Variants in EEFSEC observed in about 807,000 individuals in gnomAD.
EEFSEC encodes eukaryotic elongation factor, selenocysteine-tRNA specific.
Under a neutral mutation model 42.1 loss-of-function variants are expected in EEFSEC, and 43 were observed. That is an observed-to-expected ratio of 1.02 (90% confidence interval 0.80 to 1.32). EEFSEC has a LOEUF of 1.32. Ranked by LOEUF, EEFSEC falls within the 40% of genes most tolerant of loss-of-function variation. EEFSEC has a pLI of 0.00. For missense variants in EEFSEC, 745 were observed against 803.6 expected, an observed-to-expected ratio of 0.93 and a Z score of 0.88; for synonymous variants, 354 against 339.1, an observed-to-expected ratio of 1.04 and a Z score of -0.48.
At chr3:128,276,238 G>A (rs1045042159) in intron 4 of EEFSEC, among the ~76,000 whole-genome samples, 26 of 152,314 alleles carry the variant, frequency 1.7e-4, no homozygotes, top group African/African-American at 6.3e-4. Context: ...CACTCAGCTG[G>A]GGGTTAGGGC....
chr3:128,279,542 G>T (rs2066504158), intron 4 of EEFSEC, among the ~76,000 whole-genome samples: 1 of 152,222 alleles, frequency 6.6e-6, no homozygotes, highest in Non-Finnish European at 1.5e-5. Context: ...CCCTTCAGGG[G>T]CCCTGCCCCA....
At chr3:128,247,458 C>A (rs1251311619) in intron 2 of EEFSEC, among the ~76,000 whole-genome samples, 1 of 152,166 alleles carries the variant, frequency 6.6e-6, no homozygotes. Context: ...GGACTGTGTT[C>A]TCTTGCTATC....
chr3:128,355,609 T>TAAAA (rs5852542), intron 5 of EEFSEC, among the ~76,000 whole-genome samples: 8 of 122,720 alleles, frequency 6.5e-5, no homozygotes, highest in African/African-American at 2.1e-4. Flanking sequence ...AATGAAGCTG[T>TAAAA]AAAAAAAAAA....
intron 6 of EEFSEC, among the ~76,000 whole-genome samples, chr3:128,376,687 T>C (rs147449512): frequency 1.1e-4 from 17 of 152,284 alleles, no homozygotes; most frequent in African/African-American, 3.9e-4. Context: ...TCATTAGCCT[T>C]GGCACACTGA....
At chr3:128,372,929 T>G (rs965561129) in intron 6 of EEFSEC, among the ~76,000 whole-genome samples, 2 of 152,248 alleles carry the variant, frequency 1.3e-5, no homozygotes, top group Non-Finnish European at 2.9e-5. Context: ...CTGCTGTAGA[T>G]GTCACTTCCA....
intron 2 of EEFSEC, among the ~76,000 whole-genome samples, chr3:128,257,667 C>G (rs954175994): frequency 6.6e-6 from 1 of 152,180 alleles, no homozygotes; most frequent in East Asian, 1.9e-4. Flanking sequence ...ATAGAAACAG[C>G]TATTTTCACA....
At chr3:128,265,891 GT>G (rs1211170261) in intron 4 of EEFSEC, among the ~76,000 whole-genome samples, 8 of 152,192 alleles carry the variant, frequency 5.3e-5, no homozygotes, top group Non-Finnish European at 1.2e-4. Context: ...TATTAGTTTT[GT>G]TTTGCTGGAG....
At chr3:128,280,206 CTG>C (rs777262159) in intron 4 of EEFSEC, among the ~76,000 whole-genome samples, 4 of 152,192 alleles carry the variant, frequency 2.6e-5, no homozygotes, top group Non-Finnish European at 5.9e-5. Context: ...AGACAGCAAA[CTG>C]AGAACAGTGG....
intron 1 of EEFSEC, among the ~76,000 whole-genome samples, chr3:128,161,916 T>C (rs898147529): frequency 1.3e-5 from 2 of 152,202 alleles, no homozygotes; most frequent in African/African-American, 4.8e-5. Context: ...AATAACATAC[T>C]GGGGGCTTGA....
intron 1 of EEFSEC, among the ~76,000 whole-genome samples, chr3:128,216,816 G>A (rs2065815342): frequency 6.6e-6 from 1 of 152,224 alleles, no homozygotes; most frequent in South Asian, 2.1e-4. Context: ...ACTGATTGAA[G>A]GCAGTGGGCT....
chr3:128,256,679 A>T (rs1050231233), intron 2 of EEFSEC, among the ~76,000 whole-genome samples: 3 of 152,214 alleles, frequency 2.0e-5, no homozygotes, highest in Admixed American at 1.3e-4. Context: ...ATGCATGATC[A>T]CTTATAATCT....
chr3:128,169,872 G>A (rs950841937), intron 1 of EEFSEC, among the ~76,000 whole-genome samples: 2 of 152,188 alleles, frequency 1.3e-5, no homozygotes, highest in Admixed American at 1.3e-4. Flanking sequence ...TCCCTGCATA[G>A]CCTCACAGAG....
At chr3:128,199,157 G>A (rs2492285) in intron 1 of EEFSEC, among the ~76,000 whole-genome samples, 43,712 of 151,984 alleles carry the variant, frequency 0.29, 6,477 homozygotes, top group South Asian at 0.37. Context: ...TCAAGTGTGT[G>A]CATTTTTTGT....
rs146193336 is a variant in EEFSEC, at chr3:128,369,824, CTTTG to C, written c.1600+11457_1600+11460del. ...CAATTGCTCCGTGTTGTCTTGTCTGCTTTGTTTGTGCGCCGAGCCGACTGAGGGT... is the reference window on the plus strand; with the variant it reads ...CAATTGCTCCGTGTTGTCTTGTCTGCTTTGTGCGCCGAGCCGACTGAGGGT... On this transcript the variant is annotated intron_variant, in intron 6 of 6. Coordinates refer to ENST00000254730, the MANE Select transcript of EEFSEC (RefSeq NM_021937.5). 1.7e-3 allele frequency among the ~76,000 whole-genome samples: 264 copies of C among 152,320 alleles called. 4 individuals are homozygous for C. The East Asian group carries it at 0.045, about 26-fold the overall frequency.
intron 4 of EEFSEC, among the ~76,000 whole-genome samples, chr3:128,312,467 G>A (rs1318382646): frequency 1.3e-5 from 2 of 152,270 alleles, no homozygotes; most frequent in African/African-American, 4.8e-5. Context: ...ACCAGACTGC[G>A]CTGGAATAGG....
chr3:128,303,931 C>G (rs912066344), intron 4 of EEFSEC, among the ~76,000 whole-genome samples: 1 of 152,174 alleles, frequency 6.6e-6, no homozygotes, highest in African/African-American at 2.4e-5. Flanking sequence ...GGTAATCCTT[C>G]TTTTACTCCC....
chr3:128,372,299 A>G (rs990100608), intron 6 of EEFSEC, among the ~76,000 whole-genome samples: 2 of 152,126 alleles, frequency 1.3e-5, no homozygotes, highest in Non-Finnish European at 2.9e-5. Flanking sequence ...CCCATGTTCT[A>G]TCGTGGATGA....
intron 1 of EEFSEC, among the ~76,000 whole-genome samples, chr3:128,199,129 G>A (rs571193986): frequency 1.1e-4 from 17 of 152,278 alleles, no homozygotes; most frequent in African/African-American, 4.1e-4. Context: ...ACCACACCTG[G>A]CCTGTGTGTA....
the EEFSEC span, among the ~76,000 whole-genome samples, chr3:128,424,136 G>A: frequency 6.6e-6 from 1 of 152,190 alleles, no homozygotes; most frequent in African/African-American, 2.4e-5. Flanking sequence ...GGCCCCAAGA[G>A]TCACCTCTGG....
Sources: allele counts gnomAD v4.1 joint callset (sites outside exome capture counted in the v4.1 genomes callset), GRCh38; gene constraint gnomAD v4.1.1; transcripts MANE v1.5; gene names NCBI Gene and HGNC (gene_info 2026-07-23, HGNC 2026-07-21).